HORMAD2: variants seen among roughly 807,000 people sequenced by gnomAD.
The protein encoded by HORMAD2 is HORMA domain containing 2.
A neutral mutation model predicts 38.8 loss-of-function variants in HORMAD2; 45 were observed. The observed-to-expected ratio is 1.16, with a 90% CI of 0.91 to 1.49. The LOEUF is 1.49. HORMAD2 is among the 40% of genes most tolerant of loss of function. The probability of loss-of-function intolerance (pLI) is 0.00; values close to 1 mark genes in which losing one functional copy is unlikely to be tolerated. For synonymous variants in HORMAD2, 126 were observed against 122.8 expected (o/e 1.03, Z -0.17); for missense variants, 338 against 367.0 (o/e 0.92, Z 0.65).
intron 1 of HORMAD2, among the ~76,000 whole-genome samples, chr22:30,088,044 C>A (rs78548810): frequency 2.1e-5 from 2 of 95,078 alleles, no homozygotes; most frequent in Non-Finnish European, 1.9e-5. Context: ...TGTGTATACA[C>A]ACGTACACAC....
At chr22:30,163,329 T>A (rs78777758) in intron 10 of HORMAD2, among the ~76,000 whole-genome samples, 8,291 of 152,310 alleles carry the variant, frequency 0.054, 340 homozygotes, top group South Asian at 0.18. Context: ...TTTTTGATTA[T>A]CTGGATATAG....
chr22:30,144,115 C>T (rs149786454), intron 10 of HORMAD2, among the ~76,000 whole-genome samples: 1 of 152,332 alleles, frequency 6.6e-6, no homozygotes, highest in Non-Finnish European at 1.5e-5. Context: ...GCGGTTTCAT[C>T]TGGGCTTTCT....
chr22:30,205,762 C>T, the HORMAD2 span, among the ~76,000 whole-genome samples: 1 of 152,022 alleles, frequency 6.6e-6, no homozygotes, highest in East Asian at 1.9e-4. Context: ...TGGAGGGTGG[C>T]GTGAGGACCG....
intron 10 of HORMAD2, among the ~76,000 whole-genome samples, chr22:30,125,564 G>A (rs1367309808): frequency 6.6e-6 from 1 of 152,038 alleles, no homozygotes; most frequent in African/African-American, 2.4e-5. Context: ...TTTGAGCAAT[G>A]TAAGTTTTTA....
intron 7 of HORMAD2, among the ~76,000 whole-genome samples, chr22:30,115,067 T>C (rs1022808446): frequency 6.6e-6 from 1 of 152,296 alleles, no homozygotes; most frequent in East Asian, 1.9e-4. Flanking sequence ...GGCATAAATC[T>C]TATGGTTTCA....
Position 30,119,007 on chromosome 22 carries a change from T to C in HORMAD2, c.370T>C (p.Phe124Leu), listed in dbSNP as rs1484834419. Residue 124 changes from phenylalanine to leucine, a missense_variant, in exon 8 of 11, where the codon TTC becomes CTC. Physicochemically the swap from Phe to Leu is conservative, Grantham distance 22. Transcript: ENST00000336726. Reference sequence around the variant, plus strand: ...GGTGACTGAGATGTACCAGTTCAAATTCAAATACACGAAAGAAGGAGCCAC... The same window carrying C: ...GGTGACTGAGATGTACCAGTTCAAACTCAAATACACGAAAGAAGGAGCCAC... Reference protein sequence around the residue: ...EKVTEMYQFKFKYTKEGATMD... With the variant: ...EKVTEMYQFKLKYTKEGATMD... 1 of 1,590,880 alleles carries C rather than the reference T, an allele frequency of 6.3e-7. No individual in the cohort carries two copies. The highest frequency in any genetic ancestry group is 8.6e-7 in the Non-Finnish European group (1 of 1,167,724).
At chr22:30,179,953 A>G (rs2123757592), downstream of HORMAD2, among the ~76,000 whole-genome samples, 1 of 152,204 alleles carries the variant, frequency 6.6e-6, no homozygotes, top group South Asian at 2.1e-4. Flanking sequence ...TAGTGGTGCA[A>G]TCATGGCTCA....
At position 30,158,286 on chromosome 22, in the gene HORMAD2, G is replaced by A. The variant is rs534380747; in HGVS notation, c.820-17777G>A. Among the ~76,000 whole-genome samples, 43 of 151,764 alleles carry A rather than the reference G, an allele frequency of 2.8e-4. 1 individual carries two copies. The highest frequency in any genetic ancestry group is 2.6e-3 in the Admixed American group (39 of 15,258). ...AAAAAAACAAAAACAAAACTTAAAAGTTTGGTTCCTACATAATCAACAACT... is the reference window on the plus strand; with the variant it reads ...AAAAAAACAAAAACAAAACTTAAAAATTTGGTTCCTACATAATCAACAACT... On this transcript the variant is annotated intron_variant, in intron 10 of 10. Coordinates refer to ENST00000336726, the MANE Select transcript of HORMAD2 (RefSeq NM_152510.4).
In HORMAD2 at chr22:30,119,058, A is replaced by T; in HGVS notation, c.410+11A>T. The T allele has an allele frequency of 6.5e-7, 1 of 1,547,526 alleles. No homozygotes were observed. Among genetic ancestry groups the T allele is most frequent in the Admixed American group, 1.9e-5 (1 of 53,250 alleles). ...TATGGATTTTGACAGGTAGAATCTA[A>T]CTGCTTAATGAACATGAGAAATAAA... is the stretch of plus-strand genomic sequence containing the variant. On this transcript the variant is annotated intron_variant, in intron 8 of 10. Coordinates refer to ENST00000336726, the MANE Select transcript of HORMAD2 (RefSeq NM_152510.4).
At chr22:30,115,223 C>T (rs1181057517) in intron 7 of HORMAD2, among the ~76,000 whole-genome samples, 1 of 152,054 alleles carries the variant, frequency 6.6e-6, no homozygotes, top group Non-Finnish European at 1.5e-5. Context: ...ACCTTCTAGG[C>T]CCAAGCGATC....
chr22:30,120,979 A>G lies in HORMAD2; in HGVS notation c.411-653A>G, dbSNP rs967594625. The stretch of plus-strand genomic sequence containing the variant: ...TGTATACACACTGTCTTTGAATTTG[A>G]TTGAAAACTGATGGATATAATAGAA... On this transcript the variant is annotated intron_variant, in intron 8 of 10. Transcript: ENST00000336726. Among the ~76,000 whole-genome samples the G allele has an allele frequency of 6.6e-5, 10 of 152,316 alleles. 2 individuals carry two copies. The highest frequency in any genetic ancestry group is 6.5e-4 in the Admixed American group (10 of 15,286).
At chr22:30,133,036 A>G (rs1414809198) in intron 10 of HORMAD2, among the ~76,000 whole-genome samples, 1 of 152,240 alleles carries the variant, frequency 6.6e-6, no homozygotes, top group East Asian at 1.9e-4. Flanking sequence ...GATGCCTCTA[A>G]TAATACAATG....
chr22:30,170,666 C>A (rs1184715332), intron 10 of HORMAD2, among the ~76,000 whole-genome samples: 1 of 152,118 alleles, frequency 6.6e-6, no homozygotes, highest in African/African-American at 2.4e-5. Context: ...GAATAACCTC[C>A]CCCTGCTCCC....
chr22:30,116,916 G>A (rs1179375300), intron 7 of HORMAD2, among the ~76,000 whole-genome samples: 1 of 151,576 alleles, frequency 6.6e-6, no homozygotes, highest in African/African-American at 2.4e-5. Flanking sequence ...ATTACACCCA[G>A]CATTGGCTAA....
intron 10 of HORMAD2, among the ~76,000 whole-genome samples, chr22:30,159,351 A>T (rs917024337): frequency 6.6e-6 from 1 of 152,236 alleles, no homozygotes; most frequent in African/African-American, 2.4e-5. Context: ...GAAAATCTTT[A>T]TAGGTTGGAA....
At chr22:30,134,609 C>T (rs571967252) in intron 10 of HORMAD2, among the ~76,000 whole-genome samples, 39 of 151,208 alleles carry the variant, frequency 2.6e-4, no homozygotes, top group African/African-American at 8.2e-4. Context: ...AATATAAATG[C>T]TAAAAGAATT....
intron 10 of HORMAD2, among the ~76,000 whole-genome samples, chr22:30,158,346 A>G (rs556089099): frequency 7.0e-4 from 107 of 152,310 alleles, no homozygotes; most frequent in Non-Finnish European, 5.9e-5. Flanking sequence ...AAACACAGCC[A>G]TATCTAAGGA....
chr22:30,152,697 C>T (rs186775699), intron 10 of HORMAD2, among the ~76,000 whole-genome samples: 5 of 152,234 alleles, frequency 3.3e-5, no homozygotes, highest in Non-Finnish European at 5.9e-5. Context: ...TGATATACTT[C>T]TCATTCTTTT....
intron 10 of HORMAD2, among the ~76,000 whole-genome samples, chr22:30,156,781 C>T (rs944759050): frequency 6.6e-6 from 1 of 152,192 alleles, no homozygotes; most frequent in Non-Finnish European, 1.5e-5. Context: ...AATCTTTTCA[C>T]AGCAATAAAA....
Sources: allele counts gnomAD v4.1 joint callset (sites outside exome capture counted in the v4.1 genomes callset), GRCh38; gene constraint gnomAD v4.1.1; transcripts MANE v1.5; gene names NCBI Gene and HGNC (gene_info 2026-07-23, HGNC 2026-07-21).